Variants in PTGIS observed in about 807,000 individuals in gnomAD.
PTGIS encodes prostaglandin I2 synthase.
In PTGIS, 45 loss-of-function variants were observed where a neutral mutation model predicts 50.3. That is an observed-to-expected ratio of 0.90 (90% confidence interval 0.70 to 1.15). PTGIS has a LOEUF of 1.15. Among genes scored for constraint, PTGIS ranks in the 50% most tolerant of loss-of-function variants. The probability of loss-of-function intolerance (pLI) is 0.00; values close to 1 mark genes in which losing one functional copy is unlikely to be tolerated. For missense variants in PTGIS, 668 were observed against 661.3 expected (o/e 1.01, Z -0.11); for synonymous variants, 260 against 267.7 (o/e 0.97, Z 0.28).
At chr20:49,549,665 C>T (rs73910556) in intron 2 of PTGIS, among the ~76,000 whole-genome samples, 6,386 of 151,988 alleles carry the variant, frequency 0.042, 469 homozygotes, top group African/African-American at 0.15. Flanking sequence ...CGGAGGTTGA[C>T]GAATGAATGC....
intron 2 of PTGIS, 105 bp from the exon 3 acceptor site, chr20:49,548,124 T>A: frequency 9.6e-7 from 1 of 1,036,592 alleles, no homozygotes; most frequent in Non-Finnish European, 1.5e-6. Flanking sequence ...CACTGGACAG[T>A]AACACACTAT....
intron 5 of PTGIS, among the ~76,000 whole-genome samples, chr20:49,529,754 A>G (rs1454683142): frequency 6.6e-6 from 1 of 152,200 alleles, no homozygotes; most frequent in Non-Finnish European, 1.5e-5. Context: ...ATGGTATGGT[A>G]GTACTTGTGT....
At chr20:49,559,809 G>A (rs1476283701) in intron 1 of PTGIS, among the ~76,000 whole-genome samples, 1 of 152,116 alleles carries the variant, frequency 6.6e-6, no homozygotes, top group Non-Finnish European at 1.5e-5. Flanking sequence ...GGGGAAATGG[G>A]GAGTGACTGC....
At chr20:49,560,684 AAG>A (rs1982748705) in intron 1 of PTGIS, among the ~76,000 whole-genome samples, 1 of 152,148 alleles carries the variant, frequency 6.6e-6, no homozygotes, top group South Asian at 2.1e-4. Context: ...GGGCAGGGAG[AAG>A]AGTGTTACAG....
intron 6 of PTGIS, among the ~76,000 whole-genome samples, chr20:49,522,500 G>T (rs566681475): frequency 1.3e-5 from 2 of 151,866 alleles, no homozygotes; most frequent in East Asian, 3.9e-4. Context: ...GTACTCAAAG[G>T]ATTTTTTTTA....
chr20:49,544,168 C>G, intron 4 of PTGIS, 137 bp downstream of exon 4: 1 of 1,194,770 alleles, frequency 8.4e-7, no homozygotes, highest in Non-Finnish European at 1.2e-6. Flanking sequence ...GGCGTCTTTC[C>G]TACAGTCTTT....
At position 49,524,528 on chromosome 20, in the gene PTGIS, C is replaced by T. The variant is rs564444448; in HGVS notation, c.674-289G>A. 2.6e-4 allele frequency among the ~76,000 whole-genome samples: 40 copies of T among 152,280 alleles called. No individual in the cohort carries two copies. The South Asian group carries it at 7.3e-3, about 28-fold the overall frequency. ...ACCTCTATGTCCCCATCACCCGGCC[C>T]GTAGCAGGTGCTCAATAAATATGCA... On this transcript the variant is annotated intron_variant, in intron 5 of 9. Transcript: ENST00000244043.
Position 49,544,387 on chromosome 20 carries a change from C to G in PTGIS, c.439G>C (p.Val147Leu). 1 of 1,614,110 alleles carries G rather than the reference C, an allele frequency of 6.2e-7. No individual in the cohort carries two copies. Among genetic ancestry groups the G allele is most frequent in the Non-Finnish European group, 8.5e-7 (1 of 1,180,002 alleles). The stretch of plus-strand genomic sequence containing the variant: ...GCTTCTGTAGCATCGCCCAACAGCA[C>G]TGCATGGAGGTTGGTATACATGGCT... ...TEAMYTNLHA[V>L]LLGDATEAGS... The change falls in exon 4 of 10, where the codon GTG (valine) becomes CTG (leucine). Residue 147 changes from valine to leucine, a missense_variant. Physicochemically the swap from Val to Leu is conservative, Grantham distance 32. Transcript: ENST00000244043.
At chr20:49,554,645 G>C (rs1297252539) in intron 1 of PTGIS, among the ~76,000 whole-genome samples, 1 of 152,094 alleles carries the variant, frequency 6.6e-6, no homozygotes, top group African/African-American at 2.4e-5. Context: ...TCATGGAAGA[G>C]GTGGGCATAT....
chr20:49,540,212 G>C lies in PTGIS; in HGVS notation c.522-491C>G, dbSNP rs1982189333. Among the ~76,000 whole-genome samples, 1 of 152,196 alleles carries C rather than the reference G, an allele frequency of 6.6e-6. No homozygotes were observed. Among genetic ancestry groups the C allele is most frequent in the South Asian group, 2.1e-4 (1 of 4,830 alleles). On this transcript the variant is annotated intron_variant, in intron 4 of 9. Coordinates refer to ENST00000244043, the MANE Select transcript of PTGIS (RefSeq NM_000961.4). This position sits in a 1 kb window ranked among gnomAD's most constrained non-coding sequence, Gnocchi z 4.8. ...CAAGGAGGCTGATGAGGCTGCAGCA[G>C]AGAGCTCGAGGGGACGGTGCTGAGA...
chr20:49,521,647 C>G (rs1257581039), intron 6 of PTGIS, among the ~76,000 whole-genome samples: 1 of 152,202 alleles, frequency 6.6e-6, no homozygotes, highest in Admixed American at 6.5e-5. Flanking sequence ...CCAGTCCCCA[C>G]CCCTTGCCAG....
chr20:49,536,839 C>T (rs1982089068), intron 5 of PTGIS, among the ~76,000 whole-genome samples: 1 of 152,106 alleles, frequency 6.6e-6, no homozygotes, highest in Non-Finnish European at 1.5e-5. Flanking sequence ...TAGGAAGATC[C>T]TGCTGTTCCC....
intron 6 of PTGIS, among the ~76,000 whole-genome samples, chr20:49,516,328 A>T (rs984641061): frequency 6.6e-6 from 1 of 152,110 alleles, no homozygotes. Context: ...CCCAGGCTGG[A>T]GTGCAATGGC....
At chr20:49,526,874 TG>T (rs1373540382) in intron 5 of PTGIS, among the ~76,000 whole-genome samples, 1 of 152,190 alleles carries the variant, frequency 6.6e-6, no homozygotes, top group Non-Finnish European at 1.5e-5. Context: ...GCATTGCTGG[TG>T]GGAATGTAAA....
intron 4 of PTGIS, 105 bp from the exon 5 acceptor site, chr20:49,539,826 C>G (rs1673263060): frequency 2.1e-6 from 3 of 1,440,350 alleles, no homozygotes; most frequent in Non-Finnish European, 2.8e-6. Context: ...AACTACTAAT[C>G]CTACTGTGCG....
chr20:49,544,173 G>T, intron 4 of PTGIS, 132 bp downstream of exon 4: 1 of 1,240,640 alleles, frequency 8.1e-7, no homozygotes, highest in Non-Finnish European at 1.1e-6. Context: ...CTTTCCTACA[G>T]TCTTTGCTTT....
rs138605948 is a variant in PTGIS at position 49,520,419 on chromosome 20, C to T, written c.855+3639G>A. Among the ~76,000 whole-genome samples the T allele has an allele frequency of 4.5e-3, 682 of 151,822 alleles. 3 individuals carry two copies. The highest frequency in any genetic ancestry group is 0.014 in the Middle Eastern group (4 of 290). ...TGCCATCTCGGCTCACTGCAACCTC[C>T]ACCTCCCGGGTTCAAGTGATTCTCA... On this transcript the variant is annotated intron_variant, in intron 6 of 9. Transcript: ENST00000244043.
At position 49,555,144 on chromosome 20, in the gene PTGIS, G is replaced by A. The variant is rs376752426; in HGVS notation, c.75-4955C>T. ...AAAAATTGGCTGGGTGTGGTGGCAG[G>A]TGCCTATAATCCCAGCTAGTCGGGA... On this transcript the variant is annotated intron_variant, in intron 1 of 9. Coordinates refer to ENST00000244043, the MANE Select transcript of PTGIS (RefSeq NM_000961.4). Among the ~76,000 whole-genome samples, 7 of 152,050 alleles carry A rather than the reference G, an allele frequency of 4.6e-5. No homozygotes were observed. In the East Asian group the frequency reaches 1.3e-3, roughly 29 times the overall value.
At chr20:49,562,478 C>T (rs527565197) in intron 1 of PTGIS, among the ~76,000 whole-genome samples, 8 of 152,358 alleles carry the variant, frequency 5.3e-5, no homozygotes, top group Non-Finnish European at 7.3e-5. Flanking sequence ...CAACTCAGGC[C>T]GTGGTCACAT....
Sources: allele counts gnomAD v4.1 joint callset (sites outside exome capture counted in the v4.1 genomes callset), GRCh38; gene constraint gnomAD v4.1.1; non-coding constraint Gnocchi (gnomAD v3.1); transcripts MANE v1.5; gene names NCBI Gene and HGNC (gene_info 2026-07-23, HGNC 2026-07-21).